Variants in MINAR2 observed in about 807,000 individuals in gnomAD.
MINAR2 encodes the protein membrane integral NOTCH2 associated receptor 2.
Under a neutral mutation model 16.1 loss-of-function variants are expected in MINAR2, and 21 were observed. That is an observed-to-expected ratio of 1.31 (90% CI 0.93 to 1.88). MINAR2 has a LOEUF of 1.88. Ranked by LOEUF, MINAR2 falls within the 40% of genes most tolerant of loss-of-function variation. MINAR2 has a pLI of 0.00. For synonymous variants in MINAR2, 86 were observed against 83.0 expected (o/e 1.04, Z -0.20); for missense variants, 259 against 229.8 (o/e 1.13, Z -0.82).
At chr5:129,757,686 C>CT (rs1758073099) in intron 1 of MINAR2, among the ~76,000 whole-genome samples, 1 of 151,860 alleles carries the variant, frequency 6.6e-6, no homozygotes, top group Non-Finnish European at 1.5e-5. Flanking sequence ...AGTAATATCT[C>CT]TATCTCCTCA....
In MINAR2 at chr5:129,748,165, G is replaced by T; in HGVS notation, c.-26G>T. On this transcript the variant is annotated 5_prime_UTR_variant, in exon 1 of 3. Coordinates refer to ENST00000564719, the MANE Select transcript of MINAR2 (RefSeq NM_001257308.2). ...GACAAGAGCAGCTTTGCCTGTCTTT[G>T]TTTTCCACTGTAGGTGAAGGGAGAC... 6.5e-7 allele frequency: 1 copy of T among 1,532,250 alleles called. No individual in the cohort carries two copies. Among genetic ancestry groups the T allele is most frequent in the Non-Finnish European group, 8.7e-7 (1 of 1,144,630 alleles). 94.9% of individuals were successfully genotyped at this position (1,532,250 alleles called of 1,614,324 possible).
intron 1 of MINAR2, among the ~76,000 whole-genome samples, chr5:129,754,705 A>G (rs1390446482): frequency 6.6e-6 from 1 of 152,184 alleles, no homozygotes; most frequent in Non-Finnish European, 1.5e-5. Context: ...AGCATTACTC[A>G]TGCATACTAT....
intron 1 of MINAR2, 61 bp downstream of exon 1, chr5:129,748,416 A>G: frequency 6.8e-7 from 1 of 1,480,090 alleles, no homozygotes; most frequent in East Asian, 2.5e-5. Context: ...GCTATCTGCC[A>G]TTTCACCATT....
chr5:129,757,085 T>A (rs1441524788), intron 1 of MINAR2, among the ~76,000 whole-genome samples: 1 of 150,808 alleles, frequency 6.6e-6, no homozygotes, highest in African/African-American at 2.4e-5. Flanking sequence ...TATATATATC[T>A]CATCACATAT....
chr5:129,757,386 T>C (rs1470254165), intron 1 of MINAR2, among the ~76,000 whole-genome samples: 1 of 152,010 alleles, frequency 6.6e-6, no homozygotes, highest in Non-Finnish European at 1.5e-5. Flanking sequence ...CTAGTATAAA[T>C]TTTTATATTT....
intron 1 of MINAR2, 139 bp downstream of exon 1, chr5:129,748,494 CTCTT>C: frequency 2.5e-6 from 2 of 800,636 alleles, no homozygotes; most frequent in Non-Finnish European, 3.7e-6. Context: ...TAGTCTTTCT[CTCTT>C]CCTTAACATT....
chr5:129,764,984 T>G lies in MINAR2; in HGVS notation c.494T>G (p.Phe165Cys). ...GAGAAACAAGAGAAGCATTCAAAAT[T>G]CTGTCGTATGGGTCTGATTTTACTT... The part of the protein sequence containing the change: ...KEEKQEKHSK[F>C]CRMGLILLVV... Residue 165 changes from phenylalanine to cysteine, a missense_variant, in exon 3 of 3, where the codon TTC (phenylalanine) becomes TGC (cysteine). Phe to Cys is a radical substitution (Grantham distance 205, BLOSUM62 -2). Coordinates refer to ENST00000564719, the MANE Select transcript of MINAR2 (RefSeq NM_001257308.2). The G allele has an allele frequency of 7.1e-7, 1 of 1,403,304 alleles. No homozygotes were observed. Among genetic ancestry groups the G allele is most frequent in the Non-Finnish European group, 9.3e-7 (1 of 1,076,588 alleles). The allele number at this position is 1,403,304 out of a possible 1,614,324, so 86.9% of individuals were successfully genotyped here.
chr5:129,755,525 A>AT (rs11430431), intron 1 of MINAR2, among the ~76,000 whole-genome samples: 114,429 of 150,646 alleles, frequency 0.76, 43,562 homozygotes, highest in Non-Finnish European at 0.78. Context: ...AGGTTTGTTA[A>AT]TTTTTTTTTT....
At chr5:129,756,379 A>T (rs1758054047) in intron 1 of MINAR2, among the ~76,000 whole-genome samples, 1 of 151,790 alleles carries the variant, frequency 6.6e-6, no homozygotes. Context: ...TGGTTACATA[A>T]GTAAGTTCTT....
rs1030047571 is a variant in MINAR2, at chr5:129,765,087, C to T, written c.*24C>T. The T allele has an allele frequency of 4.8e-6, 6 of 1,243,792 alleles. No individual in the cohort carries two copies. The highest frequency in any genetic ancestry group is 6.1e-6 in the Non-Finnish European group (6 of 991,394). The allele number at this position is 1,243,792 out of a possible 1,614,324, so 77.0% of individuals were successfully genotyped here. A position where few individuals can be genotyped will look rare whatever the true frequency, so the allele number is the denominator to read the frequency against. The stretch of plus-strand genomic sequence containing the variant: ...GAGGAAACTGCAACAATCAGAGCTA[C>T]TTTAAATTTCCTAAAAATTTTTCTG... On this transcript the variant is annotated 3_prime_UTR_variant, in exon 3 of 3. Coordinates refer to ENST00000564719, the MANE Select transcript of MINAR2 (RefSeq NM_001257308.2).
intron 1 of MINAR2, among the ~76,000 whole-genome samples, chr5:129,751,447 A>G (rs1757983772): frequency 1.3e-5 from 2 of 152,096 alleles, no homozygotes. Flanking sequence ...GCCTCAAGGT[A>G]TCCATCCAAT....
chr5:129,760,324 C>A, intron 1 of MINAR2, 54 bp from the exon 2 acceptor site: 2 of 1,311,730 alleles, frequency 1.5e-6, no homozygotes, highest in Non-Finnish European at 2.1e-6. Flanking sequence ...ACATTGCATT[C>A]CCTACTATCA....
In MINAR2 at chr5:129,765,820, T is replaced by C. The variant is rs772927452; in HGVS notation, c.*757T>C. ...CATATATTACCAACCATGGTCTAGG[T>C]TGGGGGTCCCTAGGAAAGCAGAGGG... On this transcript the variant is annotated 3_prime_UTR_variant, in exon 3 of 3. Transcript: ENST00000564719. 2.0e-5 allele frequency: 3 copies of C among 152,146 alleles called. No homozygotes were observed. Among genetic ancestry groups the C allele is most frequent in the Non-Finnish European group, 2.9e-5 (2 of 68,020 alleles). The allele number at this position is 152,146 out of a possible 1,614,324, so 9.4% of individuals were successfully genotyped here. A position where few individuals can be genotyped will look rare whatever the true frequency, so the allele number is the denominator to read the frequency against.
intron 1 of MINAR2, among the ~76,000 whole-genome samples, chr5:129,749,392 CAA>C (rs1757958623): frequency 6.6e-6 from 1 of 152,146 alleles, no homozygotes; most frequent in African/African-American, 2.4e-5. Context: ...CAAGTACACT[CAA>C]ATGATTATGT....
intron 1 of MINAR2, 138 bp from the exon 2 acceptor site, chr5:129,760,240 A>G: frequency 1.5e-6 from 1 of 665,662 alleles, no homozygotes; most frequent in East Asian, 2.7e-5. Context: ...GAAACCCTAG[A>G]ATCCTTTTCT....
Position 129,748,205 on chromosome 5 carries a change from T to G in MINAR2, c.15T>G (p.Val5=). MDLS[V]LPNNNHPDKF... is the part of the protein sequence containing the mutation. ...TGAAGGGAGACATGGATCTCTCTGT[T>G]TTGCCAAATAACAACCATCCTGACA... Residue 5 remains valine (V), a synonymous_variant, in exon 1 of 3, where the codon GTT becomes GTG. Coordinates refer to ENST00000564719, the MANE Select transcript of MINAR2 (RefSeq NM_001257308.2). 2 of 1,535,050 alleles carry G rather than the reference T, an allele frequency of 1.3e-6. No individual in the cohort carries two copies. Among genetic ancestry groups the G allele is most frequent in the Non-Finnish European group, 1.7e-6 (2 of 1,146,450 alleles).
chr5:129,752,031 C>T (rs1354155053), intron 1 of MINAR2, among the ~76,000 whole-genome samples: 1 of 152,176 alleles, frequency 6.6e-6, no homozygotes, highest in Non-Finnish European at 1.5e-5. Context: ...GATACCATCT[C>T]ATGCCAGTTA....
intron 1 of MINAR2, among the ~76,000 whole-genome samples, chr5:129,752,863 G>C (rs1276577250): frequency 6.6e-6 from 1 of 151,094 alleles, no homozygotes; most frequent in Non-Finnish European, 1.5e-5. Context: ...TAACTCCTTT[G>C]TTATATCTTT....
At chr5:129,752,832 C>G (rs1758002584) in intron 1 of MINAR2, among the ~76,000 whole-genome samples, 1 of 151,456 alleles carries the variant, frequency 6.6e-6, no homozygotes, top group African/African-American at 2.4e-5. Flanking sequence ...TTAGCAGTTG[C>G]ACGTCAGAAT....
Sources: allele counts gnomAD v4.1 joint callset (sites outside exome capture counted in the v4.1 genomes callset), GRCh38; gene constraint gnomAD v4.1.1; transcripts MANE v1.5; gene names NCBI Gene and HGNC (gene_info 2026-07-23, HGNC 2026-07-21).